CNTNAP4: variants seen among roughly 807,000 people sequenced by gnomAD.
The protein encoded by CNTNAP4 is contactin associated protein family member 4.
A neutral mutation model predicts 148.4 loss-of-function variants in CNTNAP4; 98 were observed. The observed-to-expected ratio is 0.66, with a 90% CI of 0.56 to 0.78. The LOEUF (loss-of-function observed/expected upper bound fraction) is 0.78, where lower values mean the gene tolerates loss of function less well. Among genes scored for constraint, CNTNAP4 ranks in the 30% least tolerant of loss-of-function variants. The pLI, the probability that CNTNAP4 is intolerant of heterozygous loss-of-function variation, is 0.00. For missense variants in CNTNAP4, 1,935 were observed against 1,565.6 expected (o/e 1.24, Z -3.98); for synonymous variants, 730 against 565.1 (o/e 1.29, Z -4.14).
chr16:76,438,504 G>C (rs2079918403), intron 4 of CNTNAP4, among the ~76,000 whole-genome samples: 1 of 152,078 alleles, frequency 6.6e-6, no homozygotes, highest in Admixed American at 6.6e-5. Context: ...ATTGCCTTGG[G>C]AGTAAAGACT....
At chr16:76,408,597 C>T in intron 3 of CNTNAP4, among the ~76,000 whole-genome samples, 1 of 151,998 alleles carries the variant, frequency 6.6e-6, no homozygotes, top group African/African-American at 2.4e-5. Context: ...GCTTTATATC[C>T]TTAAATATTT....
chr16:76,400,133 C>G (rs1011526854), intron 3 of CNTNAP4, among the ~76,000 whole-genome samples: 9 of 152,078 alleles, frequency 5.9e-5, no homozygotes, highest in Admixed American at 3.9e-4. Flanking sequence ...TCTGGACCGT[C>G]TGGGTATTAC....
At chr16:76,400,990 C>T (rs2078393550) in intron 3 of CNTNAP4, among the ~76,000 whole-genome samples, 1 of 152,050 alleles carries the variant, frequency 6.6e-6, no homozygotes, top group Non-Finnish European at 1.5e-5. Context: ...CAGCATTGTT[C>T]CTTTGGATTA....
intron 13 of CNTNAP4, 57 bp downstream of exon 13, chr16:76,489,940 C>A: frequency 8.5e-7 from 1 of 1,183,308 alleles, no homozygotes; most frequent in Non-Finnish European, 1.1e-6. Flanking sequence ...ACTTACTCAA[C>A]TAGCTCCTGA....
chr16:76,449,627 A>G, intron 6 of CNTNAP4, 88 bp from the exon 7 acceptor site: 1 of 1,123,724 alleles, frequency 8.9e-7, no homozygotes, highest in Non-Finnish European at 1.2e-6. Context: ...TCTGTGTGTG[A>G]TGATTATAGC....
intron 1 of CNTNAP4, among the ~76,000 whole-genome samples, chr16:76,287,926 C>A (rs1438961896): frequency 6.6e-6 from 1 of 152,138 alleles, no homozygotes; most frequent in South Asian, 2.1e-4. Context: ...TAAGTTGAGG[C>A]TTATGAACAT....
intron 21 of CNTNAP4, among the ~76,000 whole-genome samples, chr16:76,546,777 G>A (rs1390314465): frequency 6.6e-6 from 1 of 152,150 alleles, no homozygotes; most frequent in Non-Finnish European, 1.5e-5. Context: ...ATATTCCAAA[G>A]GACTAATCAG....
intron 3 of CNTNAP4, among the ~76,000 whole-genome samples, chr16:76,381,615 C>A (rs1191826063): frequency 6.6e-6 from 1 of 152,022 alleles, no homozygotes; most frequent in Non-Finnish European, 1.5e-5. Flanking sequence ...TTACCTCTAC[C>A]CCTCACATTT....
intron 2 of CNTNAP4, among the ~76,000 whole-genome samples, chr16:76,334,416 C>G (rs1185486323): frequency 6.6e-6 from 1 of 152,080 alleles, no homozygotes; most frequent in East Asian, 1.9e-4. Context: ...ACTTGCTGCT[C>G]ACAGACATAA....
At position 76,535,664 on chromosome 16, in the gene CNTNAP4, A is replaced by C; in HGVS notation, c.2875A>C (p.Arg959=). The change falls in exon 18 of 24, where the codon AGG becomes CGG. Residue 959 remains arginine, a synonymous_variant. Transcript: ENST00000611870. ...QVTPEVQPGC[R]GHCSSYGKLC... ...GACTCCAGAAGTGCAGCCAGGTTGTAGGGGACATTGCAGCAGCTATGGGAA... is the reference window on the plus strand; with the variant it reads ...GACTCCAGAAGTGCAGCCAGGTTGTCGGGGACATTGCAGCAGCTATGGGAA... 5 of 1,614,084 alleles carry C rather than the reference A, an allele frequency of 3.1e-6. No homozygotes were observed. The highest frequency in any genetic ancestry group is 3.4e-6 in the Non-Finnish European group (4 of 1,179,980).
chr16:76,342,617 C>T (rs1964570448), intron 2 of CNTNAP4, among the ~76,000 whole-genome samples: 1 of 151,876 alleles, frequency 6.6e-6, no homozygotes, highest in South Asian at 2.1e-4. Flanking sequence ...GGACTACAGG[C>T]ACCCGCCACC....
intron 1 of CNTNAP4, among the ~76,000 whole-genome samples, chr16:76,298,481 C>CGTGT (rs1567616723): frequency 6.7e-4 from 90 of 134,928 alleles, no homozygotes; most frequent in African/African-American, 2.3e-3. Flanking sequence ...CATGTGTGTA[C>CGTGT]ATGTATGTGT....
At chr16:76,337,574 T>C (rs1014685839) in intron 2 of CNTNAP4, among the ~76,000 whole-genome samples, 1 of 152,158 alleles carries the variant, frequency 6.6e-6, no homozygotes, top group Non-Finnish European at 1.5e-5. Context: ...TGAGGTTCCA[T>C]GTCCCACTGG....
chr16:76,408,511 C>A (rs2078684091), intron 3 of CNTNAP4, among the ~76,000 whole-genome samples: 1 of 150,792 alleles, frequency 6.6e-6, no homozygotes, highest in Admixed American at 6.6e-5. Flanking sequence ...AACCCCATGG[C>A]CTTTTCTCCC....
At chr16:76,468,486 T>A (rs548101475) in intron 10 of CNTNAP4, among the ~76,000 whole-genome samples, 1 of 151,880 alleles carries the variant, frequency 6.6e-6, no homozygotes, top group East Asian at 2.0e-4. Context: ...AATAAATAAA[T>A]AAATAAATAA....
chr16:76,460,183 C>T (rs2080888119), intron 8 of CNTNAP4, among the ~76,000 whole-genome samples: 1 of 152,070 alleles, frequency 6.6e-6, no homozygotes, highest in African/African-American at 2.4e-5. Flanking sequence ...TCTCGGCTCA[C>T]CGCAACCTTT....
intron 11 of CNTNAP4, among the ~76,000 whole-genome samples, chr16:76,477,140 A>G (rs2143631115): frequency 6.6e-6 from 1 of 152,280 alleles, no homozygotes; most frequent in African/African-American, 2.4e-5. Context: ...CAGAGTGAGG[A>G]TGTGAACATG....
At chr16:76,420,481 T>G (rs2079150863) in intron 3 of CNTNAP4, among the ~76,000 whole-genome samples, 1 of 151,904 alleles carries the variant, frequency 6.6e-6, no homozygotes, top group South Asian at 2.1e-4. Flanking sequence ...CCCCACAGAT[T>G]GGAAAGATGG....
chr16:76,378,791 G>C (rs1008842015), intron 3 of CNTNAP4, among the ~76,000 whole-genome samples: 4 of 152,198 alleles, frequency 2.6e-5, no homozygotes, highest in Admixed American at 2.6e-4. Context: ...CTCCATGTCA[G>C]TGAGGGAGAA....
Sources: allele counts gnomAD v4.1 joint callset (sites outside exome capture counted in the v4.1 genomes callset), GRCh38; gene constraint gnomAD v4.1.1; transcripts MANE v1.5; gene names NCBI Gene and HGNC (gene_info 2026-07-23, HGNC 2026-07-21).